The following TSPEAR variants were observed in gnomAD, a reference collection of about 807,000 sequenced individuals.
TSPEAR encodes thrombospondin-type laminin G domain and EAR repeat-containing protein.
In TSPEAR, 69 loss-of-function variants were observed where a neutral mutation model predicts 71.6. The ratio of observed to expected loss-of-function variants is 0.96; its 90% confidence interval spans 0.79 to 1.18. The LOEUF (loss-of-function observed/expected upper bound fraction) is 1.18, where lower values mean the gene tolerates loss of function less well. Among genes scored for constraint, TSPEAR ranks in the 50% most tolerant of loss-of-function variants. The pLI, the probability that TSPEAR is intolerant of heterozygous loss-of-function variation, is 0.00. For missense variants in TSPEAR, 971 were observed against 894.9 expected (o/e 1.09, Z -1.09); for synonymous variants, 402 against 387.2 (o/e 1.04, Z -0.45).
intron 1 of TSPEAR, among the ~76,000 whole-genome samples, chr21:44,693,937 C>G (rs1987220778): frequency 1.3e-5 from 2 of 152,200 alleles, no homozygotes; most frequent in African/African-American, 4.8e-5. Context: ...ACCCAAGTAT[C>G]TACCAACAGA....
Position 44,529,806 on chromosome 21 carries a change from T to C in TSPEAR, c.782A>G (p.Tyr261Cys), listed in dbSNP as rs782411961. 4 of 1,613,724 alleles carry C rather than the reference T, an allele frequency of 2.5e-6. No individual in the cohort carries two copies. In the African/African-American group the frequency reaches 5.3e-5, roughly 22 times the overall value. Residue 261 changes from tyrosine (Y) to cysteine (C), a missense_variant, in exon 5 of 12, where the codon TAT (tyrosine) becomes TGT (cysteine). Transcript: ENST00000323084. ...GKPEDNEVLK[Y>C]PYETNIRVTL... ...GTGGCCCCCCTACTAACCATAGGGA[T>C]ATTTTAGCACCTCGTTATCTTCTGG...
chr21:44,592,452 G>A (rs200414221), intron 1 of TSPEAR: 112 of 1,611,118 alleles, frequency 7.0e-5, no homozygotes, highest in Middle Eastern at 1.6e-4. Flanking sequence ...AGCTCAGGTC[G>A]CTGGAGCAGA....
At chr21:44,702,670 T>A in intron 1 of TSPEAR, 1 of 1,563,326 alleles carries the variant, frequency 6.4e-7, no homozygotes, top group Middle Eastern at 1.7e-4. Flanking sequence ...CGTCCCCTCC[T>A]GTTGTGCACC....
At chr21:44,508,828 C>G (rs781878031) in intron 10 of TSPEAR, 1 of 1,372,374 alleles carries the variant, frequency 7.3e-7, no homozygotes, top group East Asian at 4.4e-5. Context: ...GCAGCGGGCA[C>G]TCGAAGCCTG....
intron 2 of TSPEAR, among the ~76,000 whole-genome samples, chr21:44,564,057 A>C (rs1013744135): frequency 0.01 from 14 of 1,394 alleles, no homozygotes; most frequent in African/African-American, 0.022. Flanking sequence ...GTAGATTACA[A>C]AAAAAAATGC....
intron 1 of TSPEAR, chr21:44,646,548 C>G: frequency 6.2e-7 from 1 of 1,612,614 alleles, no homozygotes; most frequent in Non-Finnish European, 8.5e-7. Flanking sequence ...GTGAGCCCCC[C>G]TGCAGCGCCC....
intron 1 of TSPEAR, among the ~76,000 whole-genome samples, chr21:44,659,169 A>G (rs1226462208): frequency 6.6e-6 from 1 of 152,206 alleles, no homozygotes; most frequent in Non-Finnish European, 1.5e-5. Context: ...AAGCAACGTC[A>G]GCCTGCCTCT....
At chr21:44,556,159 C>T (rs1161030701) in intron 2 of TSPEAR, among the ~76,000 whole-genome samples, 5 of 151,886 alleles carry the variant, frequency 3.3e-5, no homozygotes, top group African/African-American at 9.7e-5. Context: ...AGGCAGATCG[C>T]GATGTCAGGA....
At chr21:44,557,587 C>A (rs1555920033) in intron 2 of TSPEAR, among the ~76,000 whole-genome samples, 1 of 152,104 alleles carries the variant, frequency 6.6e-6, no homozygotes, top group African/African-American at 2.4e-5. Context: ...CACAGAGAAG[C>A]ACCCCCGGGG....
intron 2 of TSPEAR, among the ~76,000 whole-genome samples, chr21:44,548,646 G>A (rs1159933112): frequency 6.6e-6 from 1 of 152,160 alleles, no homozygotes; most frequent in Non-Finnish European, 1.5e-5. Context: ...GCAGAGCCAG[G>A]GGACGCTGGC....
intron 1 of TSPEAR, among the ~76,000 whole-genome samples, chr21:44,596,222 G>A (rs1458962864): frequency 2.4e-4 from 36 of 152,334 alleles, no homozygotes; most frequent in Admixed American, 1.5e-3. Context: ...CGGCCTCAAC[G>A]GGCAGCTCGC....
At chr21:44,508,621 CGCAACCTCCTGTGGCTCCACGGA>C in intron 10 of TSPEAR, 1 of 1,182,788 alleles carries the variant, frequency 8.5e-7, no homozygotes, top group South Asian at 1.6e-5. Flanking sequence ...GTGGTGCCCA[CGCAACCTCCTGTGGCTCCACGGA>C]GCGTGTCGGT....
rs1318824392 is a variant in TSPEAR at position 44,509,359 on chromosome 21, A to G, written c.1594T>C (p.Phe532Leu). ...AGGAAGATCCTCTCCCCGATCTGGAAGACCTCCCAGTCTGCAGCACCGAAC... is the reference window on the plus strand; with the variant it reads ...AGGAAGATCCTCTCCCCGATCTGGAGGACCTCCCAGTCTGCAGCACCGAAC... Reference protein sequence around the residue: ...PTFGAADWEVFQIGERIFLAV... With the variant: ...PTFGAADWEVLQIGERIFLAV... The change falls in exon 10 of 12, where the codon TTC becomes CTC. Residue 532 changes from phenylalanine to leucine, a missense_variant. By Grantham distance (22) the Phe-to-Leu change is conservative. Coordinates refer to ENST00000323084, the MANE Select transcript of TSPEAR (RefSeq NM_144991.3). 3 of 1,613,728 alleles carry G rather than the reference A, an allele frequency of 1.9e-6. No homozygotes were observed. The highest frequency in any genetic ancestry group is 2.7e-5 in the African/African-American group (2 of 74,976).
chr21:44,592,444 C>T (rs1306317428), intron 1 of TSPEAR: 1 of 1,611,252 alleles, frequency 6.2e-7, no homozygotes, highest in Non-Finnish European at 8.5e-7. Flanking sequence ...GCTGCCGTAG[C>T]TCAGGTCGCT....
chr21:44,500,810 C>T (rs1256627546), intron 11 of TSPEAR, among the ~76,000 whole-genome samples: 1 of 152,198 alleles, frequency 6.6e-6, no homozygotes, highest in African/African-American at 2.4e-5. Flanking sequence ...TTTAAAGACA[C>T]ATTTTTTATT....
intron 8 of TSPEAR, among the ~76,000 whole-genome samples, chr21:44,525,076 T>C (rs56785726): frequency 0.02 from 3,055 of 151,534 alleles, 78 homozygotes; most frequent in African/African-American, 0.058. Flanking sequence ...GTCAGTCAGT[T>C]AGCCAGTCAG....
chr21:44,662,464 C>T (rs1458402248), intron 1 of TSPEAR, among the ~76,000 whole-genome samples: 2 of 152,164 alleles, frequency 1.3e-5, no homozygotes, highest in East Asian at 3.8e-4. Flanking sequence ...AAGCACCAAA[C>T]AGCCAACTTT....
intron 1 of TSPEAR, among the ~76,000 whole-genome samples, chr21:44,634,522 G>T (rs1983433786): frequency 6.6e-6 from 1 of 152,116 alleles, no homozygotes; most frequent in Non-Finnish European, 1.5e-5. Context: ...GTGCATCAAA[G>T]GACACTATCA....
chr21:44,646,055 G>T (rs1984319787), intron 1 of TSPEAR, among the ~76,000 whole-genome samples: 1 of 146,416 alleles, frequency 6.8e-6, no homozygotes, highest in Non-Finnish European at 1.5e-5. Context: ...AACCCAGGGG[G>T]CGGAGGTTGC....
Sources: allele counts gnomAD v4.1 joint callset (sites outside exome capture counted in the v4.1 genomes callset), GRCh38; gene constraint gnomAD v4.1.1; transcripts MANE v1.5; gene names NCBI Gene and HGNC (gene_info 2026-07-23, HGNC 2026-07-21).